Variants in FHIT observed in about 807,000 individuals in gnomAD.
The protein encoded by FHIT is fragile histidine triad diadenosine triphosphatase, also known as bis(5'-adenosyl)-triphosphatase.
In FHIT, 19 loss-of-function variants were observed where a neutral mutation model predicts 17.9. The ratio of observed to expected loss-of-function variants is 1.06; its 90% CI spans 0.74 to 1.56. The LOEUF (loss-of-function observed/expected upper bound fraction) is 1.56, where lower values mean the gene tolerates loss of function less well. Among genes scored for constraint, FHIT ranks in the 40% most tolerant of loss-of-function variants. FHIT has a pLI of 0.00. For synonymous variants in FHIT, 81 were observed against 69.7 expected, an observed-to-expected ratio of 1.16 and a Z score of -0.81; for missense variants, 248 against 189.2, an observed-to-expected ratio of 1.31 and a Z score of -1.82.
intron 8 of FHIT, among the ~76,000 whole-genome samples, chr3:59,803,548 T>G (rs1485270563): frequency 6.6e-6 from 1 of 152,180 alleles, no homozygotes; most frequent in East Asian, 1.9e-4. Flanking sequence ...GAAAACACTT[T>G]GCGTATGAAC....
In FHIT at chr3:59,772,116, C is replaced by T. The variant is rs550516232; in HGVS notation, c.349-19795G>A. Among the ~76,000 whole-genome samples, 7 of 152,342 alleles carry T rather than the reference C, an allele frequency of 4.6e-5. No homozygotes were observed. The East Asian group carries it at 1.3e-3, about 29-fold the overall frequency. On this transcript the variant is annotated intron_variant, in intron 8 of 9. Coordinates refer to ENST00000492590, the MANE Select transcript of FHIT (RefSeq NM_002012.4). ...TGTATCTCCATGTTAGCACACCCAC[C>T]TCCACCACTGAGGGGGAGCTCTGCT...
intron 3 of FHIT, among the ~76,000 whole-genome samples, chr3:61,029,964 TTTTGTTTG>T (rs895023547): frequency 1.3e-5 from 2 of 151,992 alleles, no homozygotes; most frequent in Non-Finnish European, 2.9e-5. Flanking sequence ...AAATCTACAT[TTTTGTTTG>T]TTTGTTTGTT....
At chr3:60,891,344 C>T (rs571973432) in intron 3 of FHIT, among the ~76,000 whole-genome samples, 7 of 152,266 alleles carry the variant, frequency 4.6e-5, no homozygotes, top group Admixed American at 3.9e-4. Context: ...CATGGGCACA[C>T]CACCCAGATC....
intron 3 of FHIT, among the ~76,000 whole-genome samples, chr3:60,969,366 C>T (rs1709899442): frequency 6.6e-6 from 1 of 151,728 alleles, no homozygotes; most frequent in South Asian, 2.1e-4. Flanking sequence ...ATAATTTCTG[C>T]TCTTATCTTT....
intron 5 of FHIT, among the ~76,000 whole-genome samples, chr3:60,401,669 C>CCCA (rs1701662169): frequency 6.6e-6 from 1 of 152,154 alleles, no homozygotes; most frequent in Non-Finnish European, 1.5e-5. Context: ...TATAAGTAAT[C>CCCA]CCATTACTAA....
In FHIT at chr3:60,688,109, T is replaced by C. The variant is rs144163064; in HGVS notation, c.-18+133810A>G. 1.0e-3 allele frequency among the ~76,000 whole-genome samples: 153 copies of C among 152,348 alleles called. 1 individual carries two copies. The East Asian group carries it at 0.029, about 29-fold the overall frequency. ...TAGATTTTGCTTTTTAGCTGAAATATACAGTTGTTGTATTTTAATAGACTA... is the reference window on the plus strand; with the variant it reads ...TAGATTTTGCTTTTTAGCTGAAATACACAGTTGTTGTATTTTAATAGACTA... On this transcript the variant is annotated intron_variant, in intron 4 of 9. Coordinates refer to ENST00000492590, the MANE Select transcript of FHIT (RefSeq NM_002012.4).
chr3:60,292,281 G>A (rs1221563330), intron 5 of FHIT, among the ~76,000 whole-genome samples: 1 of 152,134 alleles, frequency 6.6e-6, no homozygotes, highest in Non-Finnish European at 1.5e-5. Context: ...GCTGTTGTGA[G>A]ACGCTTCGAA....
chr3:60,714,169 C>A (rs1172901856), intron 4 of FHIT, among the ~76,000 whole-genome samples: 40 of 152,184 alleles, frequency 2.6e-4, no homozygotes, highest in African/African-American at 8.9e-4. Context: ...ATAAACAGAA[C>A]CAAAGACAAA....
At chr3:60,427,504 T>A (rs1702716950) in intron 5 of FHIT, among the ~76,000 whole-genome samples, 1 of 152,152 alleles carries the variant, frequency 6.6e-6, no homozygotes, top group Admixed American at 6.5e-5. Flanking sequence ...TAAATTTCTG[T>A]GGCTTTAAGC....
At chr3:60,332,133 T>G (rs1368069560) in intron 5 of FHIT, among the ~76,000 whole-genome samples, 4 of 152,200 alleles carry the variant, frequency 2.6e-5, no homozygotes. Context: ...ATATATTAAT[T>G]TATTTGGTAT....
At chr3:60,953,272 G>C (rs1708969495) in intron 3 of FHIT, among the ~76,000 whole-genome samples, 1 of 152,168 alleles carries the variant, frequency 6.6e-6, no homozygotes, top group Admixed American at 6.5e-5. Flanking sequence ...TTGCATGTCT[G>C]TCTTTCCACT....
chr3:60,433,080 A>T (rs1401488795), intron 5 of FHIT, among the ~76,000 whole-genome samples: 1 of 151,966 alleles, frequency 6.6e-6, no homozygotes, highest in Non-Finnish European at 1.5e-5. Context: ...GAAACTCTCT[A>T]TTCATCCCTG....
At chr3:60,376,033 G>A (rs1046640995) in intron 5 of FHIT, among the ~76,000 whole-genome samples, 1 of 152,192 alleles carries the variant, frequency 6.6e-6, no homozygotes, top group African/African-American at 2.4e-5. Flanking sequence ...TTTCCATGCA[G>A]AAGCAGAAGA....
At chr3:60,610,250 G>A (rs2038744067) in intron 4 of FHIT, among the ~76,000 whole-genome samples, 2 of 152,094 alleles carry the variant, frequency 1.3e-5, no homozygotes, top group Non-Finnish European at 2.9e-5. Flanking sequence ...GTTTCCAGAT[G>A]TACCCACCTT....
At chr3:60,261,830 T>C (rs570826579) in intron 5 of FHIT, among the ~76,000 whole-genome samples, 2 of 151,914 alleles carry the variant, frequency 1.3e-5, no homozygotes, top group Admixed American at 6.6e-5. Flanking sequence ...TCATTAAGAC[T>C]CCCATTTCAG....
At chr3:60,108,899 G>C (rs1217489378) in intron 5 of FHIT, among the ~76,000 whole-genome samples, 2 of 152,154 alleles carry the variant, frequency 1.3e-5, no homozygotes, top group Non-Finnish European at 1.5e-5. Flanking sequence ...CCGACCTCAA[G>C]TGATCTGCCC....
chr3:59,864,170 T>C (rs1702529465), intron 8 of FHIT, among the ~76,000 whole-genome samples: 1 of 152,230 alleles, frequency 6.6e-6, no homozygotes, highest in Admixed American at 6.5e-5. Context: ...TGATATGTTT[T>C]GGCTGTGTCC....
chr3:59,917,245 T>C (rs781195558), intron 8 of FHIT, among the ~76,000 whole-genome samples: 3 of 152,228 alleles, frequency 2.0e-5, no homozygotes, highest in African/African-American at 4.8e-5. Flanking sequence ...ATTTGTCCAA[T>C]TGCTGATTGC....
chr3:60,439,427 C>A (rs937365015), intron 5 of FHIT, among the ~76,000 whole-genome samples: 1 of 152,102 alleles, frequency 6.6e-6, no homozygotes, highest in African/African-American at 2.4e-5. Context: ...CTGTGCAAAG[C>A]CTTGGGTAGC....
Sources: allele counts gnomAD v4.1 joint callset (sites outside exome capture counted in the v4.1 genomes callset), GRCh38; gene constraint gnomAD v4.1.1; transcripts MANE v1.5; gene names NCBI Gene and HGNC (gene_info 2026-07-23, HGNC 2026-07-21).